Variants in TDRD5 observed in about 807,000 individuals in gnomAD.
TDRD5 encodes the protein tudor domain containing 5.
In TDRD5, 41 loss-of-function variants were observed where a neutral mutation model predicts 120.6. The ratio of observed to expected loss-of-function variants is 0.34; its 90% CI spans 0.26 to 0.44. TDRD5 has a LOEUF of 0.44. Ranked by LOEUF, TDRD5 falls within the 20% of genes least tolerant of loss-of-function variation. The pLI, the probability that TDRD5 is intolerant of heterozygous loss-of-function variation, is 1.00. For synonymous variants in TDRD5, 430 were observed against 433.7 expected (o/e 0.99, Z 0.11); for missense variants, 1,006 against 1,221.2 (o/e 0.82, Z 2.63).
chr1:179,657,035 C>T (rs530673982), intron 14 of TDRD5, among the ~76,000 whole-genome samples: 9 of 152,052 alleles, frequency 5.9e-5, no homozygotes, highest in Non-Finnish European at 7.4e-5. Context: ...CCAGCCTGGA[C>T]GACAAGAGCA....
intron 6 of TDRD5, among the ~76,000 whole-genome samples, chr1:179,624,869 G>A (rs1361868068): frequency 6.6e-6 from 1 of 152,060 alleles, no homozygotes; most frequent in Non-Finnish European, 1.5e-5. Flanking sequence ...GCTATTCGTA[G>A]ATACTAACAA....
chr1:179,673,829 A>G (rs930619288), intron 17 of TDRD5, among the ~76,000 whole-genome samples: 2 of 152,046 alleles, frequency 1.3e-5, no homozygotes, highest in Non-Finnish European at 2.9e-5. Context: ...TCCTTTCACA[A>G]GTTCTTGATT....
chr1:179,595,904 CT>C (rs2101906287), intron 4 of TDRD5, 86 bp downstream of exon 4: 2 of 1,299,074 alleles, frequency 1.5e-6, no homozygotes, highest in East Asian at 5.3e-5. Flanking sequence ...AAAAGTTGAC[CT>C]TTTAAAAACT....
rs764090582 is a variant in TDRD5, at chr1:179,651,587, C to T, written c.2002-452C>T. 2.6e-5 allele frequency among the ~76,000 whole-genome samples: 4 copies of T among 152,180 alleles called. No homozygotes were observed. The East Asian group carries it at 7.7e-4, about 29-fold the overall frequency. On this transcript the variant is annotated intron_variant, in intron 12 of 17. Transcript: ENST00000444136. ...TGATAATTTTTGTAACTAGCAAAAA[C>T]TGTCAATAATGGACACATTTTTAAC...
intron 11 of TDRD5, among the ~76,000 whole-genome samples, chr1:179,643,074 G>C (rs1464656903): frequency 6.6e-6 from 1 of 152,140 alleles, no homozygotes; most frequent in Non-Finnish European, 1.5e-5. Flanking sequence ...CCAAATCCTT[G>C]GGTGACTACT....
At chr1:179,687,310 C>A (rs1680778456) in intron 17 of TDRD5, among the ~76,000 whole-genome samples, 2 of 152,250 alleles carry the variant, frequency 1.3e-5, no homozygotes, top group South Asian at 4.1e-4. Flanking sequence ...ACCCAGTAGT[C>A]ATTCAGGAGC....
At chr1:179,628,675 A>C (rs749631250) in intron 6 of TDRD5, among the ~76,000 whole-genome samples, 4 of 152,142 alleles carry the variant, frequency 2.6e-5, no homozygotes, top group Non-Finnish European at 5.9e-5. Flanking sequence ...AATTAGGATA[A>C]AATATATCTG....
intron 11 of TDRD5, among the ~76,000 whole-genome samples, chr1:179,647,155 C>A (rs1465813304): frequency 6.8e-6 from 1 of 147,520 alleles, no homozygotes; most frequent in Non-Finnish European, 1.5e-5. Context: ...CAATCCTGAG[C>A]CAAAAGAACA....
chr1:179,659,708 T>C (rs1441803335), intron 14 of TDRD5, among the ~76,000 whole-genome samples: 2 of 152,000 alleles, frequency 1.3e-5, no homozygotes, highest in Non-Finnish European at 2.9e-5. Context: ...ATTTAATTTA[T>C]TTTTTTGAGA....
At chr1:179,655,641 G>T (rs1409245194) in intron 14 of TDRD5, among the ~76,000 whole-genome samples, 1 of 152,088 alleles carries the variant, frequency 6.6e-6, no homozygotes, top group Admixed American at 6.6e-5. Context: ...CAACTGGTCT[G>T]GGGTCTGTTT....
chr1:179,664,242 A>C (rs1679455285), intron 16 of TDRD5, among the ~76,000 whole-genome samples: 1 of 152,106 alleles, frequency 6.6e-6, no homozygotes, highest in Admixed American at 6.5e-5. Context: ...TAATGCATGA[A>C]TTTAGTTTCA....
At chr1:179,650,700 C>T (rs1220185596) in intron 11 of TDRD5, among the ~76,000 whole-genome samples, 167 bp from the exon 12 acceptor site, 9 of 152,052 alleles carry the variant, frequency 5.9e-5, no homozygotes, top group Admixed American at 5.2e-4. Context: ...TTTATTCTGA[C>T]TTTTCTCATC....
At chr1:179,627,856 A>G (rs1677212144) in intron 6 of TDRD5, among the ~76,000 whole-genome samples, 1 of 152,234 alleles carries the variant, frequency 6.6e-6, no homozygotes, top group Admixed American at 6.5e-5. Context: ...ATGAATTGAT[A>G]CAGCTGGATA....
intron 17 of TDRD5, among the ~76,000 whole-genome samples, chr1:179,685,299 G>A (rs1451884514): frequency 3.9e-5 from 6 of 152,172 alleles, no homozygotes; most frequent in Admixed American, 3.9e-4. Context: ...ATTAAATAGG[G>A]AATCCTTTCC....
intron 11 of TDRD5, among the ~76,000 whole-genome samples, chr1:179,647,634 GAA>G (rs1472048258): frequency 1.3e-5 from 2 of 151,930 alleles, no homozygotes; most frequent in Non-Finnish European, 2.9e-5. Flanking sequence ...CACAGCAAAA[GAA>G]ACTACCATCA....
At chr1:179,649,790 G>C (rs185009542) in intron 11 of TDRD5, among the ~76,000 whole-genome samples, 1 of 152,146 alleles carries the variant, frequency 6.6e-6, no homozygotes, top group African/African-American at 2.4e-5. Flanking sequence ...ACTGCTCGTT[G>C]TCTTTGAAAA....
intron 14 of TDRD5, among the ~76,000 whole-genome samples, chr1:179,655,110 G>A (rs1023187795): frequency 6.6e-6 from 1 of 151,962 alleles, no homozygotes. Flanking sequence ...AGCTGCTTTT[G>A]GAATTTACTT....
intron 3 of TDRD5, among the ~76,000 whole-genome samples, chr1:179,594,953 T>C (rs1049669853): frequency 4.6e-5 from 7 of 152,120 alleles, no homozygotes; most frequent in African/African-American, 1.7e-4. Context: ...TAGTGGGGGG[T>C]GAATATTCCT....
At chr1:179,623,560 A>G (rs1340769912) in intron 6 of TDRD5, among the ~76,000 whole-genome samples, 1 of 151,946 alleles carries the variant, frequency 6.6e-6, no homozygotes, top group Non-Finnish European at 1.5e-5. Context: ...ACATTTAAGG[A>G]AGAAATTATA....
Sources: gnomAD v4.1 joint callset for allele counts (sites outside exome capture counted in the v4.1 genomes callset) on GRCh38, gnomAD v4.1.1 for gene constraint, MANE v1.5 for transcripts, NCBI Gene and HGNC (gene_info 2026-07-23, HGNC 2026-07-21) for gene names.